JAKMIP1: variants seen among roughly 807,000 people sequenced by gnomAD.
JAKMIP1 encodes janus kinase and microtubule interacting protein 1, also known as janus kinase and microtubule-interacting protein 1.
A neutral mutation model predicts 113.0 loss-of-function variants in JAKMIP1; 33 were observed. That is an observed-to-expected ratio of 0.29 (90% confidence interval 0.22 to 0.39). JAKMIP1 has a LOEUF of 0.39. Ranked by LOEUF, JAKMIP1 falls within the 10% of genes least tolerant of loss-of-function variation. The pLI is 1.00. For synonymous variants in JAKMIP1, 480 were observed against 459.9 expected, an observed-to-expected ratio of 1.04 and a Z score of -0.56; for missense variants, 813 against 1,080.5, an observed-to-expected ratio of 0.75 and a Z score of 3.47.
At position 6,050,477 on chromosome 4, in the gene JAKMIP1, T is replaced by A. The variant is rs78616019; in HGVS notation, c.1908+101A>T. On this transcript the variant is annotated intron_variant, in intron 14 of 20. Transcript: ENST00000409021. This position sits in a 1 kb window ranked among gnomAD's most constrained non-coding sequence, Gnocchi z 7.4. ...GACTTTCAACACAAGGGGTATCTCA[T>A]GAAAATCAATTCTATCCCAGCACTC... 1.6e-3 allele frequency: 1,309 copies of A among 797,430 alleles called. 8 individuals are homozygous for A. In the African/African-American group the frequency reaches 0.02, roughly 12 times the overall value. 49.4% of individuals were successfully genotyped at this position (797,430 alleles called of 1,614,324 possible).
At chr4:6,071,325 G>C (rs1718924873) in intron 8 of JAKMIP1, among the ~76,000 whole-genome samples, 1 of 152,196 alleles carries the variant, frequency 6.6e-6, no homozygotes, top group Non-Finnish European at 1.5e-5. Context: ...ACCTGGGCCT[G>C]GCCCCAGGCA....
chr4:6,112,961 AGCTCGCCCT>A lies in JAKMIP1; in HGVS notation c.-120_-112del. On this transcript the variant is annotated 5_prime_UTR_variant, in exon 2 of 21. Coordinates refer to ENST00000409021, the MANE Select transcript of JAKMIP1 (RefSeq NM_001099433.2). ...CGTGCTAACCAGTCGCGCAGGACTC[AGCTCGCCCT>A]CCGAGGAAACCACCATCACTTGGGA... 1 of 1,420,940 alleles carries A rather than the reference AGCTCGCCCT, an allele frequency of 7.0e-7. No homozygotes were observed. Among genetic ancestry groups the A allele is most frequent in the African/African-American group, 1.4e-5 (1 of 69,792 alleles). The allele number at this position is 1,420,940 out of a possible 1,614,324, so 88.0% of individuals were successfully genotyped here.
rs562369538 is a variant in JAKMIP1 at position 6,144,179 on chromosome 4, A to C, written c.-147-31182T>G. 7.9e-5 allele frequency among the ~76,000 whole-genome samples: 12 copies of C among 152,380 alleles called. No homozygotes were observed. The East Asian group carries it at 2.1e-3, about 27-fold the overall frequency. ...TTTAAAAGCCCTGGCCTTGTCAGCC[A>C]TTCCCTTCCCATTCAGGTAAAACTG... is the stretch of plus-strand genomic sequence containing the variant. On this transcript the variant is annotated intron_variant, in intron 1 of 20. Transcript: ENST00000409021.
rs1325571071 is a variant in JAKMIP1 at position 6,097,256 on chromosome 4, T to G, written c.624+8217A>C. Among the ~76,000 whole-genome samples, 1 of 152,214 alleles carries G rather than the reference T, an allele frequency of 6.6e-6. No individual in the cohort carries two copies. Among genetic ancestry groups the G allele is most frequent in the East Asian group, 1.9e-4 (1 of 5,200 alleles). On this transcript the variant is annotated intron_variant, in intron 3 of 20. Transcript: ENST00000409021. This position sits in a 1 kb window ranked among gnomAD's most constrained non-coding sequence, Gnocchi z 4.3. ...AAGCAATCCTCCCACCTCAGCCTCC[T>G]GATGTATTGGGATTACAGTCATGAG...
At chr4:6,118,194 T>TA (rs1716125267) in intron 1 of JAKMIP1, among the ~76,000 whole-genome samples, 1 of 152,186 alleles carries the variant, frequency 6.6e-6, no homozygotes, top group Non-Finnish European at 1.5e-5. Context: ...GGGGAAGTAA[T>TA]AAATGTCCAT....
intron 1 of JAKMIP1, among the ~76,000 whole-genome samples, chr4:6,127,094 C>T (rs1299487735): frequency 6.6e-6 from 1 of 152,186 alleles, no homozygotes; most frequent in Non-Finnish European, 1.5e-5. Flanking sequence ...GCAGGGCAGG[C>T]TCCCCAGCAA....
chr4:6,058,507 C>A (rs192153166), intron 11 of JAKMIP1, among the ~76,000 whole-genome samples: 2 of 152,150 alleles, frequency 1.3e-5, no homozygotes, highest in Admixed American at 6.5e-5. Flanking sequence ...TAAGTCTTTT[C>A]GAAAGCAACT....
At chr4:6,110,899 C>T (rs1714825984) in intron 2 of JAKMIP1, among the ~76,000 whole-genome samples, 1 of 151,626 alleles carries the variant, frequency 6.6e-6, no homozygotes, top group South Asian at 2.1e-4. Context: ...CCCAGCCAGT[C>T]AGCCCCAGCC....
In JAKMIP1 at chr4:6,141,768, T is replaced by C. The variant is rs1247295428; in HGVS notation, c.-147-28771A>G. 6.6e-6 allele frequency among the ~76,000 whole-genome samples: 1 copy of C among 152,192 alleles called. No homozygotes were observed. Among genetic ancestry groups the C allele is most frequent in the Admixed American group, 6.5e-5 (1 of 15,272 alleles). On this transcript the variant is annotated intron_variant, in intron 1 of 20. Transcript: ENST00000409021. This position sits in a 1 kb window ranked among gnomAD's most constrained non-coding sequence, Gnocchi z 9.4. ...CCCAGGACACTGATGCCGAGGATGC[T>C]GACTGTCCACTCTTCGGCAACCTCC...
chr4:6,166,368 G>A (rs776532164), intron 1 of JAKMIP1, among the ~76,000 whole-genome samples: 18 of 152,198 alleles, frequency 1.2e-4, no homozygotes, highest in Admixed American at 2.0e-4. Flanking sequence ...GGCCCAGGTC[G>A]GGAGTGGCCC....
At chr4:6,126,219 AAC>A (rs1392131085) in intron 1 of JAKMIP1, among the ~76,000 whole-genome samples, 6 of 146,976 alleles carry the variant, frequency 4.1e-5, no homozygotes, top group Admixed American at 6.8e-5. Context: ...ACCATGCGGA[AAC>A]ACACACACGC....
Position 6,178,999 on chromosome 4 carries a change from CA to C in JAKMIP1, c.-148+21253del, listed in dbSNP as rs2109036821. ...TGTCTTCAGAATGGATTGCCACATC[CA>C]AAAAGATCAGGTTACAAAGCTGGTA... On this transcript the variant is annotated intron_variant, in intron 1 of 20. Coordinates refer to ENST00000409021, the MANE Select transcript of JAKMIP1 (RefSeq NM_001099433.2). This position sits in a 1 kb window ranked among gnomAD's most constrained non-coding sequence, Gnocchi z 5.5. Among the ~76,000 whole-genome samples, 1 of 152,320 alleles carries C rather than the reference CA, an allele frequency of 6.6e-6. No homozygotes were observed. Among genetic ancestry groups the C allele is most frequent in the Non-Finnish European group, 1.5e-5 (1 of 68,034 alleles).
At chr4:6,029,674 AT>A (rs1712333771) in intron 20 of JAKMIP1, 41 bp downstream of exon 20, 6 of 1,365,660 alleles carry the variant, frequency 4.4e-6, no homozygotes, top group Non-Finnish European at 5.2e-6. Context: ...CTAACATTTC[AT>A]GGAAAGAAAC....
In JAKMIP1 at chr4:6,186,693, G is replaced by A. The variant is rs545642887; in HGVS notation, c.-148+13560C>T. On this transcript the variant is annotated intron_variant, in intron 1 of 20. Coordinates refer to ENST00000409021, the MANE Select transcript of JAKMIP1 (RefSeq NM_001099433.2). The surrounding 1 kb of genome is among the most constrained non-coding windows in gnomAD (Gnocchi z 5.5). ...TATAGGTTTCCACTAGGTCTAATTG[G>A]TGTGCAGTGTTGTTCAAGTTCCCTG... 1.8e-4 allele frequency among the ~76,000 whole-genome samples: 28 copies of A among 152,306 alleles called. No individual in the cohort carries two copies. Among genetic ancestry groups the A allele is most frequent in the African/African-American group, 6.3e-4 (26 of 41,572 alleles).
chr4:6,066,603 C>T (rs941044368), intron 8 of JAKMIP1, among the ~76,000 whole-genome samples: 1 of 152,154 alleles, frequency 6.6e-6, no homozygotes, highest in Non-Finnish European at 1.5e-5. Flanking sequence ...GCAGCAGCAG[C>T]TCATGCTTCA....
At chr4:6,092,707 A>T (rs1246598749) in intron 3 of JAKMIP1, among the ~76,000 whole-genome samples, 3 of 152,174 alleles carry the variant, frequency 2.0e-5, no homozygotes, top group Admixed American at 6.5e-5. Context: ...GAGAATAGAA[A>T]ACCTTTTCAG....
At chr4:6,103,728 T>G (rs942804867) in intron 3 of JAKMIP1, among the ~76,000 whole-genome samples, 1 of 152,236 alleles carries the variant, frequency 6.6e-6, no homozygotes, top group African/African-American at 2.4e-5. Flanking sequence ...TCAGTTTTGG[T>G]ACATTGTGCT....
At chr4:6,172,317 G>A (rs1343377033) in intron 1 of JAKMIP1, among the ~76,000 whole-genome samples, 1 of 152,128 alleles carries the variant, frequency 6.6e-6, no homozygotes, top group East Asian at 1.9e-4. Context: ...TGGTCCCCTG[G>A]CACTCACCAG....
intron 3 of JAKMIP1, among the ~76,000 whole-genome samples, chr4:6,099,540 CT>C (rs1463581732): frequency 6.6e-6 from 1 of 152,122 alleles, no homozygotes; most frequent in Non-Finnish European, 1.5e-5. Context: ...CATTTTACGT[CT>C]GCATATGTCA....
Sources: gnomAD v4.1 joint callset for allele counts (sites outside exome capture counted in the v4.1 genomes callset) on GRCh38, gnomAD v4.1.1 for gene constraint, Gnocchi (gnomAD v3.1) non-coding constraint, MANE v1.5 for transcripts, NCBI Gene and HGNC (gene_info 2026-07-23, HGNC 2026-07-21) for gene names.